Variants in CNTN3 observed in about 807,000 individuals in gnomAD.
The protein encoded by CNTN3 is contactin-3.
Under a neutral mutation model 119.1 loss-of-function variants are expected in CNTN3, and 60 were observed. The observed-to-expected ratio is 0.50, with a 90% CI of 0.41 to 0.62. CNTN3 has a LOEUF of 0.62. Ranked by LOEUF, CNTN3 falls within the 20% of genes least tolerant of loss-of-function variation. CNTN3 has a pLI of 0.00. For synonymous variants in CNTN3, 450 were observed against 438.7 expected, an observed-to-expected ratio of 1.03 and a Z score of -0.32; for missense variants, 1,101 against 1,242.4, an observed-to-expected ratio of 0.89 and a Z score of 1.71.
At chr3:74,523,043 G>A (rs1431130357) in intron 1 of CNTN3, among the ~76,000 whole-genome samples, 1 of 151,764 alleles carries the variant, frequency 6.6e-6, no homozygotes, top group Non-Finnish European at 1.5e-5. Flanking sequence ...TCCAGTGGCT[G>A]ATTTTCCCTG....
At chr3:74,591,587 G>A (rs910728824) in intron 1 of CNTN3, among the ~76,000 whole-genome samples, 18 of 151,846 alleles carry the variant, frequency 1.2e-4, no homozygotes, top group Non-Finnish European at 2.1e-4. Flanking sequence ...CTGGAAGCGG[G>A]GAAACAGCTG....
At chr3:74,589,142 A>G (rs1033700131) in intron 1 of CNTN3, among the ~76,000 whole-genome samples, 13 of 151,964 alleles carry the variant, frequency 8.6e-5, no homozygotes, top group African/African-American at 2.7e-4. Context: ...TGCACAGCAA[A>G]AGAAACTACC....
intron 4 of CNTN3, among the ~76,000 whole-genome samples, chr3:74,478,137 G>GAA (rs1702692842): frequency 6.6e-6 from 1 of 152,254 alleles, no homozygotes; most frequent in South Asian, 2.1e-4. Flanking sequence ...CAGGTGTGAT[G>GAA]ATATTAAATG....
intron 13 of CNTN3, among the ~76,000 whole-genome samples, chr3:74,304,276 A>G (rs1702516048): frequency 6.6e-6 from 1 of 152,232 alleles, no homozygotes; most frequent in African/African-American, 2.4e-5. Flanking sequence ...ACTTTCATCA[A>G]GTTAAAACTT....
At chr3:74,538,861 T>C (rs1405374257) in intron 1 of CNTN3, among the ~76,000 whole-genome samples, 1 of 152,088 alleles carries the variant, frequency 6.6e-6, no homozygotes, top group East Asian at 1.9e-4. Flanking sequence ...ATTCACTAGA[T>C]TCCAGGTTGA....
intron 12 of CNTN3, 144 bp downstream of exon 12, chr3:74,336,387 C>T: frequency 1.2e-6 from 1 of 838,790 alleles, no homozygotes; most frequent in Non-Finnish European, 1.8e-6. Flanking sequence ...CCTTGACTTT[C>T]ACCTGTTAAA....
chr3:74,354,275 C>G (rs1703883478), intron 11 of CNTN3, among the ~76,000 whole-genome samples: 1 of 152,024 alleles, frequency 6.6e-6, no homozygotes, highest in African/African-American at 2.4e-5. Context: ...CTTTTACTTT[C>G]TTCTGACTGA....
chr3:74,556,553 T>C (rs983786931), intron 1 of CNTN3, among the ~76,000 whole-genome samples: 2 of 152,196 alleles, frequency 1.3e-5, no homozygotes, highest in Admixed American at 6.6e-5. Context: ...TGATGGACTT[T>C]AGAATTTTTC....
chr3:74,366,782 A>ATATATATG (rs1704203790), intron 8 of CNTN3, among the ~76,000 whole-genome samples: 1 of 29,748 alleles, frequency 3.4e-5, no homozygotes, highest in Non-Finnish European at 9.0e-5. Context: ...GTGTGTGTGT[A>ATATATATG]TATATATATA....
chr3:74,602,250 C>T (rs956641344), intron 1 of CNTN3, among the ~76,000 whole-genome samples: 4 of 141,976 alleles, frequency 2.8e-5, no homozygotes, highest in Non-Finnish European at 6.0e-5. Flanking sequence ...AAGCCATGAT[C>T]GCACCACTAT....
chr3:74,328,949 AT>A (rs1207380118), intron 13 of CNTN3, among the ~76,000 whole-genome samples: 1 of 152,206 alleles, frequency 6.6e-6, no homozygotes, highest in Non-Finnish European at 1.5e-5. Flanking sequence ...AAGATACAAA[AT>A]GTATAATATA....
chr3:74,396,240 A>T (rs754350382), intron 5 of CNTN3, among the ~76,000 whole-genome samples: 9 of 152,240 alleles, frequency 5.9e-5, no homozygotes, highest in South Asian at 4.1e-4. Flanking sequence ...GGTTATGTCA[A>T]AAGCCAGGAA....
chr3:74,484,913 A>C (rs1449475354), intron 4 of CNTN3, among the ~76,000 whole-genome samples: 1 of 147,994 alleles, frequency 6.8e-6, no homozygotes, highest in African/African-American at 2.7e-5. Context: ...AACATACTTG[A>C]ATTTTTTAAT....
At chr3:74,480,099 C>T (rs920752328) in intron 4 of CNTN3, among the ~76,000 whole-genome samples, 4 of 151,974 alleles carry the variant, frequency 2.6e-5, no homozygotes, top group African/African-American at 4.8e-5. Context: ...AATTATGGCC[C>T]AATAAAATCC....
intron 4 of CNTN3, among the ~76,000 whole-genome samples, chr3:74,433,623 G>A (rs1301024425): frequency 1.3e-5 from 2 of 152,090 alleles, no homozygotes; most frequent in African/African-American, 4.8e-5. Context: ...GTATTTCATA[G>A]TTCAGCTTCA....
intron 4 of CNTN3, among the ~76,000 whole-genome samples, chr3:74,451,160 T>A (rs893848876): frequency 1.3e-5 from 2 of 152,046 alleles, no homozygotes; most frequent in African/African-American, 4.8e-5. Flanking sequence ...TTTCTCCACA[T>A]CCTCTCCAGC....
chr3:74,360,596 T>A (rs1232591124), intron 11 of CNTN3, among the ~76,000 whole-genome samples: 2 of 152,088 alleles, frequency 1.3e-5, no homozygotes, highest in African/African-American at 4.8e-5. Context: ...GTTCTGGAGG[T>A]CAGAAGTTCA....
chr3:74,606,334 C>T (rs545598984), intron 1 of CNTN3, among the ~76,000 whole-genome samples: 82 of 152,006 alleles, frequency 5.4e-4, no homozygotes, highest in African/African-American at 1.7e-3. Context: ...TCTGCTTGAA[C>T]GCTTACAAGA....
intron 4 of CNTN3, among the ~76,000 whole-genome samples, chr3:74,428,641 G>T (rs1559596992): frequency 6.6e-6 from 1 of 152,192 alleles, no homozygotes; most frequent in Non-Finnish European, 1.5e-5. Context: ...ATTATAGTAA[G>T]CCAAGATTAA....
Sources: gnomAD v4.1 joint callset for allele counts (sites outside exome capture counted in the v4.1 genomes callset) on GRCh38, gnomAD v4.1.1 for gene constraint, MANE v1.5 for transcripts, NCBI Gene and HGNC (gene_info 2026-07-23, HGNC 2026-07-21) for gene names.